The following ZNF654 variants were observed in gnomAD, a reference collection of about 807,000 sequenced individuals.
ZNF654 encodes zinc finger protein 654, also known as melanoma-associated antigen.
In ZNF654, 19 loss-of-function variants were observed where a neutral mutation model predicts 95.3. The ratio of observed to expected loss-of-function variants is 0.20; its 90% confidence interval spans 0.14 to 0.29. The LOEUF is 0.29. ZNF654 is among the 10% of genes least tolerant of loss of function. The pLI, the probability that ZNF654 is intolerant of heterozygous loss-of-function variation, is 1.00. For missense variants in ZNF654, 1,046 were observed against 1,341.0 expected (o/e 0.78, Z 3.44); for synonymous variants, 413 against 457.9 (o/e 0.90, Z 1.25).
chr3:88,121,812 G>T (rs1390038195), intron 3 of ZNF654, among the ~76,000 whole-genome samples: 1 of 152,122 alleles, frequency 6.6e-6, no homozygotes, highest in Non-Finnish European at 1.5e-5. Flanking sequence ...ATTTGCTGCA[G>T]TAACTTGCTT....
At chr3:88,078,775 A>ATGGTATTC (rs1298539463) in intron 1 of ZNF654, among the ~76,000 whole-genome samples, 2 of 152,112 alleles carry the variant, frequency 1.3e-5, no homozygotes, top group Non-Finnish European at 2.9e-5. Context: ...AGAATTTCTC[A>ATGGTATTC]TGGTATTCTT....
chr3:88,108,097 T>C (rs1439182758), intron 2 of ZNF654, among the ~76,000 whole-genome samples: 1 of 152,152 alleles, frequency 6.6e-6, no homozygotes, highest in Non-Finnish European at 1.5e-5. Context: ...CCTGGAGATA[T>C]TACTAGCTTG....
intron 1 of ZNF654, among the ~76,000 whole-genome samples, chr3:88,080,306 T>C (rs890455200): frequency 1.3e-5 from 2 of 152,146 alleles, no homozygotes; most frequent in African/African-American, 4.8e-5. Context: ...ACTGATGTAA[T>C]GAAATTGTCA....
rs1707245502 is a variant in ZNF654 at position 88,144,011 on chromosome 3, G to T, written c.*2359G>T. On this transcript the variant is annotated 3_prime_UTR_variant, in exon 9 of 9. Coordinates refer to ENST00000636215, the MANE Select transcript of ZNF654 (RefSeq NM_001350134.2). ...ATTCCTCAGATTCTTCTTTTTTTCT[G>T]TTTTGAGGATGTATTCATCCTACAT... The T allele has an allele frequency of 6.6e-6, 1 of 152,076 alleles. No homozygotes were observed. Among genetic ancestry groups the T allele is most frequent in the Non-Finnish European group, 1.5e-5 (1 of 67,724 alleles). The allele number at this position is 152,076 out of a possible 1,614,324, so 9.4% of individuals were successfully genotyped here. A position where few individuals can be genotyped will look rare whatever the true frequency, so the allele number is the denominator to read the frequency against.
chr3:88,078,702 G>C (rs1397831021), intron 1 of ZNF654, among the ~76,000 whole-genome samples: 2 of 152,012 alleles, frequency 1.3e-5, no homozygotes, highest in African/African-American at 4.8e-5. Context: ...ATGGATTACT[G>C]GTAATGGATA....
intron 2 of ZNF654, among the ~76,000 whole-genome samples, chr3:88,088,583 A>G (rs1324091666): frequency 1.3e-5 from 2 of 152,262 alleles, no homozygotes; most frequent in African/African-American, 4.8e-5. Context: ...GAAGAAATCC[A>G]GAATGTAAAA....
chr3:88,069,171 C>G (rs1469177759), intron 1 of ZNF654, among the ~76,000 whole-genome samples: 1 of 152,108 alleles, frequency 6.6e-6, no homozygotes, highest in Admixed American at 6.6e-5. Context: ...CCTGTAATCC[C>G]AGTACTTTGG....
rs1008677555 is a variant in ZNF654 at position 88,113,210 on chromosome 3, T to G, written c.414+14T>G. 1.3e-6 allele frequency: 2 copies of G among 1,491,382 alleles called. No homozygotes were observed. The highest frequency in any genetic ancestry group is 1.2e-5 in the South Asian group (1 of 82,420). 92.4% of individuals were successfully genotyped at this position (1,491,382 alleles called of 1,614,324 possible). A position where few individuals can be genotyped will look rare whatever the true frequency, so the allele number is the denominator to read the frequency against. On this transcript the variant is annotated intron_variant, in intron 3 of 8. Transcript: ENST00000636215. ...GGATCATTCCAGGTAAAAAACAGTTTACTACTTCACACTTTGTCTACACTT... is the reference window on the plus strand; with the variant it reads ...GGATCATTCCAGGTAAAAAACAGTTGACTACTTCACACTTTGTCTACACTT...
intron 2 of ZNF654, among the ~76,000 whole-genome samples, chr3:88,111,583 A>G (rs2107760996): frequency 6.6e-6 from 1 of 152,056 alleles, no homozygotes; most frequent in East Asian, 1.9e-4. Context: ...TATTTAATTT[A>G]CCTAGTACCC....
At chr3:88,083,816 G>C (rs1313068359) in intron 1 of ZNF654, among the ~76,000 whole-genome samples, 1 of 152,094 alleles carries the variant, frequency 6.6e-6, no homozygotes, top group South Asian at 2.1e-4. Context: ...AAGAAAAAAA[G>C]TGAAAGATGT....
intron 1 of ZNF654, among the ~76,000 whole-genome samples, chr3:88,078,951 C>T (rs1419352660): frequency 6.6e-6 from 1 of 151,880 alleles, no homozygotes; most frequent in East Asian, 1.9e-4. Flanking sequence ...ACTAACTTTT[C>T]AGATTTATAG....
Position 88,140,663 on chromosome 3 carries a change from TACAAAC to T in ZNF654, c.2996_3001del (p.Thr999_Asn1000del), listed in dbSNP as rs1291768313. 2 of 1,613,618 alleles carry T rather than the reference TACAAAC, an allele frequency of 1.2e-6. No homozygotes were observed. Among genetic ancestry groups the T allele is most frequent in the African/African-American group, 2.7e-5 (2 of 74,880 alleles). On this transcript the variant is annotated inframe_deletion, in exon 8 of 9. Transcript: ENST00000636215. The stretch of plus-strand genomic sequence containing the variant: ...CATCAGATCCTGCTTTGAAAATTGA[TACAAAC>T]AGAATCAGGACAGAAAATGGTTCCA...
intron 3 of ZNF654, among the ~76,000 whole-genome samples, chr3:88,124,677 T>TA (rs1250786103): frequency 3.3e-5 from 5 of 152,204 alleles, no homozygotes; most frequent in Non-Finnish European, 5.9e-5. Context: ...AAGCTTTGCT[T>TA]TATAACTGCT....
chr3:88,097,387 G>T (rs1271903023), intron 2 of ZNF654, among the ~76,000 whole-genome samples: 1 of 151,122 alleles, frequency 6.6e-6, no homozygotes, highest in African/African-American at 2.4e-5. Context: ...AATAATGGGA[G>T]ACTTTAACAC....
chr3:88,134,973 A>G (rs1003809885), intron 6 of ZNF654, 88 bp from the exon 7 acceptor site: 1 of 933,104 alleles, frequency 1.1e-6, no homozygotes. Flanking sequence ...CATCCCAGCC[A>G]GGGCACTATA....
At chr3:88,085,093 A>G (rs1388971831) in intron 1 of ZNF654, among the ~76,000 whole-genome samples, 3 of 152,214 alleles carry the variant, frequency 2.0e-5, no homozygotes. Context: ...AAAATTGTAG[A>G]AATGTGAGAG....
intron 3 of ZNF654, among the ~76,000 whole-genome samples, chr3:88,117,871 T>A (rs4488864): frequency 0.78 from 118,688 of 151,512 alleles, 47,399 homozygotes; most frequent in South Asian, 0.91. Context: ...ATAGAGAAAG[T>A]TGTTAAGTTT....
chr3:88,141,647 G>A lies in ZNF654; in HGVS notation c.3382G>A (p.Ala1128Thr), dbSNP rs1185856747. 5 of 1,509,124 alleles carry A rather than the reference G, an allele frequency of 3.3e-6. No homozygotes were observed. The highest frequency in any genetic ancestry group is 4.5e-6 in the Non-Finnish European group (5 of 1,115,516). The allele number at this position is 1,509,124 out of a possible 1,614,324, so 93.5% of individuals were successfully genotyped here. The change falls in exon 9 of 9, where the codon GCC (alanine) becomes ACC (threonine). Residue 1128 changes from alanine to threonine, a missense_variant and splice_region_variant. Physicochemically the swap from Ala to Thr is moderately conservative, Grantham distance 58 (BLOSUM62 0). This residue lies in a region of ZNF654 where 59 missense variants were observed against 73.0 expected (regional missense o/e 0.81). Coordinates refer to ENST00000636215, the MANE Select transcript of ZNF654 (RefSeq NM_001350134.2). ...AACAGATGTGTTCTGTTTTACAGGT[G>A]CCTGATGAAAACGGTTCAGAAAGAT... ...LFGFDSDDES[A>T]
rs756062159 is a variant in ZNF654, at chr3:88,059,468, G to C, written c.149G>C (p.Gly50Ala). The change falls in exon 1 of 9, where the codon GGA becomes GCA. Residue 50 changes from glycine to alanine, a missense_variant. Gly to Ala is a moderately conservative substitution (Grantham distance 60). This residue lies in a region of ZNF654 where 89 missense variants were observed against 77.9 expected (regional missense o/e 1.14). Coordinates refer to ENST00000636215, the MANE Select transcript of ZNF654 (RefSeq NM_001350134.2). ...AGSGNCGGGV[G>A]ISSRDYCRRF... ...AGCGGCAACTGCGGCGGCGGCGTCG[G>C]AATCAGCAGTCGGGATTACTGCCGA... 6.6e-7 allele frequency: 1 copy of C among 1,520,060 alleles called. No homozygotes were observed. The highest frequency in any genetic ancestry group is 1.2e-5 in the South Asian group (1 of 82,360). 94.2% of individuals were successfully genotyped at this position (1,520,060 alleles called of 1,614,324 possible).
Sources: allele counts gnomAD v4.1 joint callset (sites outside exome capture counted in the v4.1 genomes callset), GRCh38; gene constraint gnomAD v4.1.1; regional missense constraint gnomAD v4.1.1; transcripts MANE v1.5; gene names NCBI Gene and HGNC (gene_info 2026-07-23, HGNC 2026-07-21).